Variants in FRMD6 observed in about 807,000 individuals in gnomAD.
FRMD6 encodes the protein FERM domain containing 6, also known as FERM domain-containing protein 6.
In FRMD6, 37 loss-of-function variants were observed where a neutral mutation model predicts 73.2. The ratio of observed to expected loss-of-function variants is 0.51; its 90% CI spans 0.39 to 0.66. The LOEUF is 0.66. FRMD6 is among the 30% of genes least tolerant of loss of function. The probability of loss-of-function intolerance (pLI) is 0.00; values close to 1 mark genes in which losing one functional copy is unlikely to be tolerated. For synonymous variants in FRMD6, 273 were observed against 282.2 expected (o/e 0.97, Z 0.33); for missense variants, 714 against 780.5 (o/e 0.91, Z 1.02).
the FRMD6 span, among the ~76,000 whole-genome samples, chr14:51,437,147 C>G: frequency 1.3e-5 from 2 of 152,174 alleles, no homozygotes; most frequent in African/African-American, 4.8e-5. Context: ...GCCCCCACCC[C>G]CCGACAGGCC....
At chr14:51,436,318 G>A in the FRMD6 span, 1 of 375,362 alleles carries the variant, frequency 2.7e-6, no homozygotes, top group Non-Finnish European at 5.2e-6. Context: ...CCAGATTTTT[G>A]GGTAACAACA....
Position 51,618,834 on chromosome 14 carries a change from C to T in FRMD6, c.-147+48424C>T, listed in dbSNP as rs1227791222. ...TTGCATTCAGTAAATTATTATAATA[C>T]AATTATAAATGTATTTCTATGAAGA... On this transcript the variant is annotated intron_variant, in intron 2 of 14. Transcript: ENST00000356218. Among the ~76,000 whole-genome samples, 5 of 151,210 alleles carry T rather than the reference C, an allele frequency of 3.3e-5. No individual in the cohort carries two copies. The South Asian group carries it at 8.3e-4, about 25-fold the overall frequency.
intron 1 of FRMD6, among the ~76,000 whole-genome samples, chr14:51,669,741 TAA>T (rs1893860846): frequency 6.6e-6 from 1 of 152,232 alleles, no homozygotes; most frequent in East Asian, 1.9e-4. Context: ...TTTAAGTCTT[TAA>T]TCAGATATGG....
At chr14:51,547,152 A>G (rs990300347) in intron 1 of FRMD6, among the ~76,000 whole-genome samples, 2 of 152,200 alleles carry the variant, frequency 1.3e-5, no homozygotes, top group Admixed American at 1.3e-4. Context: ...TTGCTGTCAA[A>G]TTTGTTTTAG....
At chr14:51,563,925 G>T (rs941599893) in intron 1 of FRMD6, among the ~76,000 whole-genome samples, 4 of 152,142 alleles carry the variant, frequency 2.6e-5, no homozygotes, top group African/African-American at 9.7e-5. Flanking sequence ...ATAACTTTGC[G>T]ATCGCAAGTC....
chr14:51,550,358 G>A (rs1886740753), intron 1 of FRMD6, among the ~76,000 whole-genome samples: 1 of 152,142 alleles, frequency 6.6e-6, no homozygotes, highest in African/African-American at 2.4e-5. Flanking sequence ...TCCCACCTCA[G>A]CCTCCCAAAT....
chr14:51,437,334 G>T, the FRMD6 span, among the ~76,000 whole-genome samples: 1 of 152,108 alleles, frequency 6.6e-6, no homozygotes, highest in Non-Finnish European at 1.5e-5. Context: ...ATGGAGTCTC[G>T]CTCTGTCGCC....
chr14:51,416,876 C>T, the FRMD6 span, among the ~76,000 whole-genome samples: 2 of 152,152 alleles, frequency 1.3e-5, no homozygotes, highest in African/African-American at 2.4e-5. Flanking sequence ...GTTAGCTCTT[C>T]TTGTTGAATT....
chr14:51,545,640 A>T (rs1290593823), intron 1 of FRMD6, among the ~76,000 whole-genome samples: 1 of 152,120 alleles, frequency 6.6e-6, no homozygotes, highest in African/African-American at 2.4e-5. Context: ...AAGTTTAAGG[A>T]TAAAATGAGT....
At chr14:51,636,754 G>A (rs2140005840) in intron 2 of FRMD6, among the ~76,000 whole-genome samples, 1 of 152,258 alleles carries the variant, frequency 6.6e-6, no homozygotes, top group African/African-American at 2.4e-5. Flanking sequence ...CGGGGCCACG[G>A]AGTTGTTGTT....
At chr14:51,437,364 G>A in the FRMD6 span, among the ~76,000 whole-genome samples, 2 of 151,262 alleles carry the variant, frequency 1.3e-5, no homozygotes, top group African/African-American at 2.4e-5. Context: ...GTGCAGTGGC[G>A]CGATCTCGGC....
chr14:51,596,036 A>G (rs963982154), intron 2 of FRMD6, among the ~76,000 whole-genome samples: 5 of 152,200 alleles, frequency 3.3e-5, no homozygotes, highest in Non-Finnish European at 7.3e-5. Context: ...ATGAAATATT[A>G]TAAGTCTTGT....
rs1594796656 is a variant in FRMD6, at chr14:51,728,956, A to G, written c.*927A>G. ...TAAATACATGGGATTGTGTATGTCT[A>G]TATGTGTTTAAAGCTTACTATGTCT... On this transcript the variant is annotated 3_prime_UTR_variant, in exon 14 of 14. Coordinates refer to ENST00000344768, the MANE Select transcript of FRMD6 (RefSeq NM_001267046.2). The G allele has an allele frequency of 2.0e-5, 3 of 152,290 alleles. No individual in the cohort carries two copies. The highest frequency in any genetic ancestry group is 2.1e-4 in the South Asian group (1 of 4,822). 9.4% of individuals were successfully genotyped at this position (152,290 alleles called of 1,614,324 possible).
the FRMD6 span, chr14:51,436,875 TTGA>T: frequency 6.3e-6 from 5 of 794,384 alleles, no homozygotes; most frequent in South Asian, 1.6e-5. Flanking sequence ...TTAGAAGGTA[TTGA>T]TGAAGAAGGG....
intron 1 of FRMD6, among the ~76,000 whole-genome samples, chr14:51,534,213 T>C (rs1025610816): frequency 6.6e-6 from 1 of 152,214 alleles, no homozygotes; most frequent in Non-Finnish European, 1.5e-5. Flanking sequence ...ACTAACTGGT[T>C]ATGTTTTCTC....
the FRMD6 span, chr14:51,454,384 G>A: frequency 1.3e-5 from 2 of 152,166 alleles, no homozygotes; most frequent in Admixed American, 6.5e-5. Context: ...TTAACATTTT[G>A]GTGCATTTCC....
intron 2 of FRMD6, chr14:51,697,918 G>GT (rs1896051765): frequency 2.5e-6 from 1 of 401,378 alleles, no homozygotes; most frequent in African/African-American, 2.0e-5. Context: ...GGTAAGATCT[G>GT]TGAGTCTTGT....
At chr14:51,428,424 G>T in the FRMD6 span, among the ~76,000 whole-genome samples, 1 of 152,188 alleles carries the variant, frequency 6.6e-6, no homozygotes, top group Non-Finnish European at 1.5e-5. Context: ...TGATCTCAGT[G>T]TGGTCATTAT....
Position 51,651,928 on chromosome 14 carries a change from G to C in FRMD6, c.-215G>C, listed in dbSNP as rs1195901870. Reference sequence around the variant, plus strand: ...GGGCTGAGAGGAGTGGGGCAGGCTCGGCGCCGGTAGGAAGAGTCAGAGGGG... The same window carrying C: ...GGGCTGAGAGGAGTGGGGCAGGCTCCGCGCCGGTAGGAAGAGTCAGAGGGG... On this transcript the variant is annotated 5_prime_UTR_variant, in exon 1 of 14. Transcript: ENST00000344768. 6.6e-6 allele frequency: 1 copy of C among 152,266 alleles called. No homozygotes were observed. Among genetic ancestry groups the C allele is most frequent in the Non-Finnish European group, 1.5e-5 (1 of 68,184 alleles). The allele number at this position is 152,266 out of a possible 1,614,324, so 9.4% of individuals were successfully genotyped here.
Sources: gnomAD v4.1 joint callset for allele counts (sites outside exome capture counted in the v4.1 genomes callset) on GRCh38, gnomAD v4.1.1 for gene constraint, MANE v1.5 for transcripts, NCBI Gene and HGNC (gene_info 2026-07-23, HGNC 2026-07-21) for gene names.